The following FAM184B variants were observed in gnomAD, a reference collection of about 807,000 sequenced individuals.
FAM184B encodes the protein protein FAM184B.
FAM184B carries 111 observed loss-of-function variants against 135.9 expected under a neutral mutation model. That is an observed-to-expected ratio of 0.82 (90% confidence interval 0.70 to 0.96). The LOEUF is 0.96. Among genes scored for constraint, FAM184B ranks in the 40% least tolerant of loss-of-function variants. The pLI is 0.00. For synonymous variants in FAM184B, 552 were observed against 524.8 expected (o/e 1.05, Z -0.71); for missense variants, 1,375 against 1,323.9 (o/e 1.04, Z -0.60).
At chr4:17,644,157 CAGT>C (rs1715400625) in intron 12 of FAM184B, among the ~76,000 whole-genome samples, 1 of 152,160 alleles carries the variant, frequency 6.6e-6, no homozygotes, top group African/African-American at 2.4e-5. Flanking sequence ...AGGTCATAAT[CAGT>C]GGTGGAAGCT....
chr4:17,671,648 C>G (rs536900565), intron 7 of FAM184B, among the ~76,000 whole-genome samples: 1 of 152,006 alleles, frequency 6.6e-6, no homozygotes, highest in South Asian at 2.1e-4. Flanking sequence ...AACAAAAGAA[C>G]AAGATAAATC....
At chr4:17,748,966 A>G (rs1230069329) in intron 1 of FAM184B, among the ~76,000 whole-genome samples, 2 of 150,116 alleles carry the variant, frequency 1.3e-5, no homozygotes, top group Non-Finnish European at 3.0e-5. Flanking sequence ...AGCTGAGACT[A>G]CAGGTGCTTG....
At chr4:17,645,406 C>T (rs1715439323) in intron 12 of FAM184B, among the ~76,000 whole-genome samples, 1 of 152,104 alleles carries the variant, frequency 6.6e-6, no homozygotes, top group Non-Finnish European at 1.5e-5. Flanking sequence ...ACAACAGAGC[C>T]CTCAGAAATA....
At chr4:17,772,355 T>C (rs1012869875) in intron 1 of FAM184B, among the ~76,000 whole-genome samples, 1 of 152,158 alleles carries the variant, frequency 6.6e-6, no homozygotes, top group Non-Finnish European at 1.5e-5. Context: ...ATTGTCTCTA[T>C]TAATGTGTCT....
At chr4:17,727,172 G>C (rs1717661057) in intron 1 of FAM184B, among the ~76,000 whole-genome samples, 1 of 152,182 alleles carries the variant, frequency 6.6e-6, no homozygotes, top group African/African-American at 2.4e-5. Flanking sequence ...AACTGGAGGA[G>C]ACAGAACAAA....
At chr4:17,779,085 G>A (rs1718984656) in intron 1 of FAM184B, among the ~76,000 whole-genome samples, 1 of 152,098 alleles carries the variant, frequency 6.6e-6, no homozygotes, top group South Asian at 2.1e-4. Context: ...AACCAGCAGT[G>A]GAATATGTAT....
At position 17,747,117 on chromosome 4, in the gene FAM184B, T is replaced by C. The variant is rs534910453; in HGVS notation, c.141+34042A>G. Among the ~76,000 whole-genome samples the C allele has an allele frequency of 1.1e-3, 166 of 152,168 alleles. 1 individual carries two copies. The highest frequency in any genetic ancestry group is 1.9e-3 in the Non-Finnish European group (131 of 68,014). On this transcript the variant is annotated intron_variant, in intron 1 of 17. Transcript: ENST00000265018. ...GCTTCTTAAGTTCTACACAAATTAT[T>C]TCCTGGGTACGTATAATGTGCTGTG...
chr4:17,722,340 G>A (rs974472634), intron 1 of FAM184B, among the ~76,000 whole-genome samples: 4 of 152,176 alleles, frequency 2.6e-5, no homozygotes, highest in Admixed American at 6.5e-5. Context: ...TGAGAGGCCT[G>A]GGGAGAGCAG....
At position 17,727,228 on chromosome 4, in the gene FAM184B, G is replaced by A. The variant is rs571072414; in HGVS notation, c.142-17584C>T. Among the ~76,000 whole-genome samples the A allele has an allele frequency of 1.1e-4, 17 of 152,246 alleles. No homozygotes were observed. The South Asian group carries it at 3.3e-3, about 30-fold the overall frequency. On this transcript the variant is annotated intron_variant, in intron 1 of 17. Coordinates refer to ENST00000265018, the MANE Select transcript of FAM184B (RefSeq NM_015688.2). ...CTCTCACATAGCACATGAGAAGGAC[G>A]TGTACACACACAGGGTCATGTGAAA...
At chr4:17,741,129 A>G (rs924973666) in intron 1 of FAM184B, among the ~76,000 whole-genome samples, 2 of 152,166 alleles carry the variant, frequency 1.3e-5, no homozygotes, top group Non-Finnish European at 2.9e-5. Flanking sequence ...TGTGCTTTAA[A>G]CACACCTGGG....
intron 12 of FAM184B, among the ~76,000 whole-genome samples, chr4:17,646,407 G>A (rs1419608739): frequency 6.6e-6 from 1 of 152,122 alleles, no homozygotes; most frequent in Non-Finnish European, 1.5e-5. Flanking sequence ...CCATAAAAAA[G>A]GAATGAGTTC....
At chr4:17,669,350 G>T (rs2108947009) in intron 7 of FAM184B, among the ~76,000 whole-genome samples, 1 of 152,284 alleles carries the variant, frequency 6.6e-6, no homozygotes, top group South Asian at 2.1e-4. Flanking sequence ...AAATAGCTTT[G>T]TGAGTTACCT....
intron 1 of FAM184B, among the ~76,000 whole-genome samples, chr4:17,776,826 C>A (rs1222640906): frequency 1.3e-4 from 20 of 152,094 alleles, no homozygotes; most frequent in African/African-American, 4.6e-4. Context: ...AAGAGGAAAG[C>A]TAGGTGAGTG....
intron 5 of FAM184B, among the ~76,000 whole-genome samples, chr4:17,695,608 G>A (rs1339742131): frequency 6.6e-6 from 1 of 152,098 alleles, no homozygotes; most frequent in Non-Finnish European, 1.5e-5. Context: ...AGTGCAGCTG[G>A]GAGGAGGGGT....
chr4:17,708,017 A>G (rs1170425586), intron 2 of FAM184B, among the ~76,000 whole-genome samples: 1 of 152,184 alleles, frequency 6.6e-6, no homozygotes, highest in South Asian at 2.1e-4. Flanking sequence ...GAGTGTTAGA[A>G]ATACTAACTG....
Position 17,693,825 on chromosome 4 carries a change from T to C in FAM184B, c.1378-413A>G, listed in dbSNP as rs1207890042. Among the ~76,000 whole-genome samples the C allele has an allele frequency of 3.3e-5, 5 of 152,148 alleles. No homozygotes were observed. In the East Asian group the frequency reaches 9.6e-4, roughly 29 times the overall value. ...CATCCATACATGAGTCAAAATGGTG[T>C]GGTTAGCCGGGTATGGTGGCTCACG... On this transcript the variant is annotated intron_variant, in intron 5 of 17. Coordinates refer to ENST00000265018, the MANE Select transcript of FAM184B (RefSeq NM_015688.2).
In FAM184B at chr4:17,736,951, C is replaced by A. The variant is rs958664569; in HGVS notation, c.142-27307G>T. ...GCTGAGGTCAGGAGTTCGAGACCAG[C>A]CTGGCCAACATGGTGAAACGCCATC... On this transcript the variant is annotated intron_variant, in intron 1 of 17. Coordinates refer to ENST00000265018, the MANE Select transcript of FAM184B (RefSeq NM_015688.2). Among the ~76,000 whole-genome samples the A allele has an allele frequency of 3.9e-5, 6 of 152,156 alleles. No individual in the cohort carries two copies. The East Asian group carries it at 1.2e-3, about 29-fold the overall frequency.
intron 7 of FAM184B, among the ~76,000 whole-genome samples, chr4:17,686,421 G>A (rs1393803802): frequency 6.6e-6 from 1 of 152,234 alleles, no homozygotes; most frequent in East Asian, 1.9e-4. Flanking sequence ...GGAGGAAGGA[G>A]GAAATCCAGG....
At chr4:17,670,170 A>C (rs965305090) in intron 7 of FAM184B, among the ~76,000 whole-genome samples, 3 of 152,248 alleles carry the variant, frequency 2.0e-5, no homozygotes, top group Non-Finnish European at 4.4e-5. Flanking sequence ...GGAAATTTAT[A>C]GCTTTAAATG....
Sources: gnomAD v4.1 joint callset for allele counts (sites outside exome capture counted in the v4.1 genomes callset) on GRCh38, gnomAD v4.1.1 for gene constraint, MANE v1.5 for transcripts, NCBI Gene and HGNC (gene_info 2026-07-23, HGNC 2026-07-21) for gene names.